ZNF841: variants seen among roughly 807,000 people sequenced by gnomAD.
The protein encoded by ZNF841 is TCONS_00006091.
In ZNF841, 11 loss-of-function variants were observed where a neutral mutation model predicts 13.0. The observed-to-expected ratio is 0.85, with a 90% CI of 0.53 to 1.40. ZNF841 has a LOEUF of 1.40. Ranked by LOEUF, ZNF841 falls within the 40% of genes most tolerant of loss-of-function variation. The probability of loss-of-function intolerance (pLI) is 0.00; values close to 1 mark genes in which losing one functional copy is unlikely to be tolerated. For synonymous variants in ZNF841, 369 were observed against 381.6 expected, an observed-to-expected ratio of 0.97 and a Z score of 0.38; for missense variants, 1,068 against 1,139.5, an observed-to-expected ratio of 0.94 and a Z score of 0.90.
downstream of ZNF841, among the ~76,000 whole-genome samples, chr19:52,061,832 C>T (rs376899215): frequency 2.0e-5 from 3 of 152,280 alleles, no homozygotes; most frequent in African/African-American, 7.2e-5. Context: ...AGGCGTGAGC[C>T]ACCGTGCCAA....
chr19:52,086,326 T>A (rs1490470368), intron 3 of ZNF841, among the ~76,000 whole-genome samples: 1 of 152,032 alleles, frequency 6.6e-6, no homozygotes, highest in African/African-American at 2.4e-5. Flanking sequence ...GCTGTTCTTA[T>A]CATAGTGAGT....
rs1165171507 is a variant in ZNF841 at position 52,065,775 on chromosome 19, G to T, written c.2107C>A (p.Pro703Thr). 1.2e-6 allele frequency: 2 copies of T among 1,610,254 alleles called. No homozygotes were observed. The highest frequency in any genetic ancestry group is 2.7e-5 in the African/African-American group (2 of 75,002). The change falls in exon 7 of 7, where the codon CCT becomes ACT. Residue 703 changes from proline (P) to threonine (T), a missense_variant. Physicochemically the swap from Pro to Thr is conservative, Grantham distance 38 (BLOSUM62 -1). Transcript: ENST00000594440. ...SSKLARYHRN[P>T]TGEKPHKCSE... ...CATTTGTGTGGTTTCTCCCCAGTAG[G>T]ATTTCTGTGATATCTTGCAAGTTTT...
chr19:52,080,130 A>G (rs1348084584), intron 4 of ZNF841, among the ~76,000 whole-genome samples: 1 of 152,152 alleles, frequency 6.6e-6, no homozygotes, highest in African/African-American at 2.4e-5. Flanking sequence ...AACAACACAC[A>G]CACTTCTAAA....
chr19:52,072,692 G>A (rs1231738927), intron 6 of ZNF841, among the ~76,000 whole-genome samples: 3 of 152,050 alleles, frequency 2.0e-5, no homozygotes, highest in Admixed American at 2.0e-4. Flanking sequence ...GGTGGCAGAT[G>A]CCTGTAATCC....
chr19:52,083,475 T>TA (rs1568545815), intron 4 of ZNF841, among the ~76,000 whole-genome samples: 2 of 151,454 alleles, frequency 1.3e-5, no homozygotes, highest in Admixed American at 6.6e-5. Context: ...TTTGAGGATC[T>TA]AAAAAAAATA....
In ZNF841 at chr19:52,092,997, T is replaced by C. The variant is rs188814041; in HGVS notation, c.-144+849A>G. ...TGGGCGTGGTGGCGGGTGCCTGTAA[T>C]ATCAGCTACTCGGGAGGCTGAGGCA... On this transcript the variant is annotated intron_variant, in intron 2 of 6. Transcript: ENST00000594440. 2.0e-3 allele frequency among the ~76,000 whole-genome samples: 307 copies of C among 152,288 alleles called. 1 individual carries two copies. Among genetic ancestry groups the C allele is most frequent in the Non-Finnish European group, 3.6e-3 (245 of 68,022 alleles).
intron 2 of ZNF841, among the ~76,000 whole-genome samples, chr19:52,090,631 G>GA (rs2088441252): frequency 7.8e-5 from 7 of 89,336 alleles, no homozygotes; most frequent in Admixed American, 2.6e-4. Flanking sequence ...AAGAAAGAAA[G>GA]AAGGAAGGAA....
chr19:52,077,014 TGAACA>T lies in ZNF841; in HGVS notation c.81_85del (p.Val28GlufsTer24). 2 of 1,613,520 alleles carry T rather than the reference TGAACA, an allele frequency of 1.2e-6. No individual in the cohort carries two copies. The highest frequency in any genetic ancestry group is 8.5e-7 in the Non-Finnish European group (1 of 1,179,626). On this transcript the variant is annotated frameshift_variant, in exon 5 of 7. Transcript: ENST00000594440. LOFTEE classifies it high-confidence loss of function. ...CATCACGTCCCTGTACAAAGCTTTC[TGAACA>T]GGGTCCAGGCATTTCCACTCCTCCT...
At chr19:52,076,332 A>C in intron 5 of ZNF841, 160 bp from the exon 6 acceptor site, 1 of 855,456 alleles carries the variant, frequency 1.2e-6, no homozygotes, top group Non-Finnish European at 1.7e-6. Flanking sequence ...TGTAAGATGA[A>C]GATATCTAGC....
At chr19:52,074,797 G>A (rs372862469) in intron 6 of ZNF841, among the ~76,000 whole-genome samples, 12 of 152,230 alleles carry the variant, frequency 7.9e-5, no homozygotes, top group South Asian at 6.2e-4. Context: ...GATTACAGGC[G>A]TTGAGCCACC....
chr19:52,060,540 A>G (rs551336435), downstream of ZNF841, among the ~76,000 whole-genome samples: 1 of 143,000 alleles, frequency 7.0e-6, no homozygotes, highest in Admixed American at 7.0e-5. Context: ...TTTTTTTCTG[A>G]GTTATTTTCC....
chr19:52,070,874 G>A (rs2087719542), intron 6 of ZNF841, among the ~76,000 whole-genome samples: 1 of 152,138 alleles, frequency 6.6e-6, no homozygotes, highest in Non-Finnish European at 1.5e-5. Flanking sequence ...GCAATAATGG[G>A]AGTATAAAAT....
At chr19:52,063,023 G>C (rs953922524), downstream of ZNF841, among the ~76,000 whole-genome samples, 2 of 151,836 alleles carry the variant, frequency 1.3e-5, no homozygotes, top group African/African-American at 2.4e-5. Flanking sequence ...CTGCAGGCAC[G>C]TGCCACCACG....
At chr19:52,059,370 A>ATAT in the ZNF841 span, among the ~76,000 whole-genome samples, 40 of 69,636 alleles carry the variant, frequency 5.7e-4, no homozygotes, top group Non-Finnish European at 8.0e-4. Flanking sequence ...AAAAAAAAAA[A>ATAT]ATATATATAT....
intron 4 of ZNF841, among the ~76,000 whole-genome samples, chr19:52,082,120 A>G (rs766912777): frequency 1.3e-5 from 2 of 152,234 alleles, no homozygotes; most frequent in Non-Finnish European, 2.9e-5. Flanking sequence ...TAACATTACT[A>G]AACTGTAAGC....
At position 52,066,947 on chromosome 19, in the gene ZNF841, G is replaced by A. The variant is rs755030843; in HGVS notation, c.935C>T (p.Thr312Ile). The A allele has an allele frequency of 1.9e-6, 3 of 1,614,110 alleles. No homozygotes were observed. The highest frequency in any genetic ancestry group is 1.3e-5 in the African/African-American group (1 of 75,038). ...SLLTVHQIVH[T>I]RGKPYQCDVC... is the part of the protein sequence containing the mutation. ...ATCACATTGGTATGGTTTCCCTCTT[G>A]TATGGACTATCTGATGTACTGTTAG... is the stretch of plus-strand genomic sequence containing the variant. The change falls in exon 7 of 7, where the codon ACA (threonine) becomes ATA (isoleucine). Residue 312 changes from threonine to isoleucine, a missense_variant. Transcript: ENST00000594440.
At chr19:52,081,881 G>A (rs1157644983) in intron 4 of ZNF841, among the ~76,000 whole-genome samples, 1 of 151,962 alleles carries the variant, frequency 6.6e-6, no homozygotes, top group Non-Finnish European at 1.5e-5. Flanking sequence ...AAAAAAAGTC[G>A]AGTTAAAAAT....
intron 6 of ZNF841, among the ~76,000 whole-genome samples, chr19:52,070,871 T>C (rs2087719403): frequency 6.6e-6 from 1 of 152,072 alleles, no homozygotes; most frequent in African/African-American, 2.4e-5. Context: ...TCTGCAATAA[T>C]GGGAGTATAA....
chr19:52,078,219 G>C (rs1220989937), intron 4 of ZNF841, among the ~76,000 whole-genome samples: 1 of 151,884 alleles, frequency 6.6e-6, no homozygotes, highest in African/African-American at 2.4e-5. Context: ...CCTGGGAGGT[G>C]GAGGTTGCAG....
Sources: gnomAD v4.1 joint callset for allele counts (sites outside exome capture counted in the v4.1 genomes callset) on GRCh38, gnomAD v4.1.1 for gene constraint, MANE v1.5 for transcripts, NCBI Gene and HGNC (gene_info 2026-07-23, HGNC 2026-07-21) for gene names.